The following BLK variants were observed in gnomAD, a reference collection of about 807,000 sequenced individuals.
BLK encodes tyrosine-protein kinase Blk.
A neutral mutation model predicts 61.8 loss-of-function variants in BLK; 64 were observed. That is an observed-to-expected ratio of 1.03 (90% CI 0.85 to 1.27). BLK has a LOEUF of 1.27. BLK is among the 50% of genes most tolerant of loss of function. The pLI is 0.00. For missense variants in BLK, 853 were observed against 660.5 expected, an observed-to-expected ratio of 1.29 and a Z score of -3.19; for synonymous variants, 351 against 272.0, an observed-to-expected ratio of 1.29 and a Z score of -2.86.
intron 1 of BLK, among the ~76,000 whole-genome samples, chr8:11,531,529 T>C (rs750991451): frequency 4.6e-5 from 7 of 152,236 alleles, no homozygotes; most frequent in South Asian, 2.1e-4. Context: ...TTATTTATCA[T>C]TGGTTTTCAA....
At chr8:11,528,658 T>C (rs1799769792) in intron 1 of BLK, among the ~76,000 whole-genome samples, 1 of 152,256 alleles carries the variant, frequency 6.6e-6, no homozygotes, top group Non-Finnish European at 1.5e-5. Flanking sequence ...GTCTTGCAGT[T>C]GCCTGTATGT....
chr8:11,560,504 G>A (rs1801460521), intron 10 of BLK: 2 of 262,330 alleles, frequency 7.6e-6, no homozygotes, highest in Non-Finnish European at 1.5e-5. Context: ...GAAGTCGCAT[G>A]TCTGAAGAGG....
At chr8:11,557,523 G>C (rs920659220) in intron 9 of BLK, among the ~76,000 whole-genome samples, 9 of 152,190 alleles carry the variant, frequency 5.9e-5, no homozygotes, top group African/African-American at 2.2e-4. Flanking sequence ...CCAAACCTGG[G>C]GGACAGTTCT....
intron 1 of BLK, among the ~76,000 whole-genome samples, chr8:11,519,626 C>G (rs563383398): frequency 5.3e-5 from 8 of 152,124 alleles, no homozygotes; most frequent in East Asian, 1.9e-4. Flanking sequence ...GTCACCACAT[C>G]GAGAACTTTA....
At chr8:11,526,353 C>T (rs1258430870) in intron 1 of BLK, among the ~76,000 whole-genome samples, 1 of 152,216 alleles carries the variant, frequency 6.6e-6, no homozygotes, top group African/African-American at 2.4e-5. Flanking sequence ...AACACCTGCT[C>T]ACAAACACTG....
intron 1 of BLK, among the ~76,000 whole-genome samples, chr8:11,529,974 G>A (rs1799821624): frequency 6.6e-6 from 1 of 152,182 alleles, no homozygotes; most frequent in Non-Finnish European, 1.5e-5. Flanking sequence ...AATGGATGAG[G>A]CTGGAATCTA....
At chr8:11,557,885 C>T in intron 9 of BLK, 77 bp from the exon 10 acceptor site, 2 of 1,376,880 alleles carry the variant, frequency 1.5e-6, no homozygotes, top group South Asian at 2.3e-5. Context: ...TGGGGAGCCA[C>T]TCACACCAGA....
intron 1 of BLK, among the ~76,000 whole-genome samples, chr8:11,505,705 G>A (rs1463211004): frequency 1.3e-5 from 2 of 152,156 alleles, no homozygotes; most frequent in Non-Finnish European, 2.9e-5. Context: ...ACCGCACAGG[G>A]TAAAGCCACC....
chr8:11,510,520 T>C (rs1431608207), intron 1 of BLK, among the ~76,000 whole-genome samples: 1 of 152,168 alleles, frequency 6.6e-6, no homozygotes, highest in Non-Finnish European at 1.5e-5. Flanking sequence ...GGCATGTTTG[T>C]GATAAGTGTA....
chr8:11,562,384 G>A (rs905403757), intron 11 of BLK, among the ~76,000 whole-genome samples: 5 of 152,126 alleles, frequency 3.3e-5, no homozygotes, highest in African/African-American at 7.2e-5. Flanking sequence ...TTGTTCTCTC[G>A]GGAACTTCAG....
chr8:11,562,202 C>T (rs114557997), intron 11 of BLK, among the ~76,000 whole-genome samples: 173 of 152,292 alleles, frequency 1.1e-3, no homozygotes, highest in African/African-American at 4.1e-3. Context: ...CATGTGCGAT[C>T]AGCAAACCAA....
intron 5 of BLK, 52 bp downstream of exon 5, chr8:11,549,174 CT>C: frequency 4.7e-6 from 7 of 1,501,150 alleles, no homozygotes; most frequent in Non-Finnish European, 6.4e-6. Flanking sequence ...ACTGTTTCTG[CT>C]CCCTGGGCTG....
At chr8:11,520,163 G>C (rs1039178156) in intron 1 of BLK, among the ~76,000 whole-genome samples, 9 of 152,088 alleles carry the variant, frequency 5.9e-5, no homozygotes, top group Admixed American at 3.9e-4. Flanking sequence ...TCATTCCACT[G>C]TGAAAAGACA....
chr8:11,542,745 A>G (rs1445386380), intron 1 of BLK, among the ~76,000 whole-genome samples: 1 of 152,194 alleles, frequency 6.6e-6, no homozygotes, highest in Non-Finnish European at 1.5e-5. Flanking sequence ...CAAAAATCTG[A>G]GAGGGAGAGA....
At chr8:11,545,034 T>C (rs1471084520) in intron 2 of BLK, among the ~76,000 whole-genome samples, 1 of 152,208 alleles carries the variant, frequency 6.6e-6, no homozygotes, top group Non-Finnish European at 1.5e-5. Flanking sequence ...ACATATGTAT[T>C]ACCCCTAAAC....
intron 1 of BLK, among the ~76,000 whole-genome samples, chr8:11,495,850 G>T (rs1798343030): frequency 6.6e-6 from 1 of 152,134 alleles, no homozygotes; most frequent in African/African-American, 2.4e-5. Context: ...AATGTACCAT[G>T]GTTACGTAAG....
rs370689404 is a variant in BLK at position 11,547,290 on chromosome 8, C to T, written c.176-742C>T. On this transcript the variant is annotated intron_variant, in intron 3 of 12. Coordinates refer to ENST00000259089, the MANE Select transcript of BLK (RefSeq NM_001715.3). The stretch of plus-strand genomic sequence containing the variant: ...TCCTGCTGAGAAGAGGTGACCAGCC[C>T]GAGGTCACAACACTCAGCTCAGTGA... Among the ~76,000 whole-genome samples the T allele has an allele frequency of 5.6e-4, 86 of 152,336 alleles. 1 individual carries two copies. The highest frequency in any genetic ancestry group is 1.9e-3 in the African/African-American group (78 of 41,578).
In BLK at chr8:11,545,650, A is replaced by C; in HGVS notation, c.124-402A>C. 1.3e-5 allele frequency: 4 copies of C among 301,602 alleles called. No homozygotes were observed. The South Asian group carries it at 1.4e-4, about 11-fold the overall frequency. 18.7% of individuals were successfully genotyped at this position (301,602 alleles called of 1,614,324 possible). A position where few individuals can be genotyped will look rare whatever the true frequency, so the allele number is the denominator to read the frequency against. ...ATACACAGAAGTTTCTCTACAGGAT[A>C]TATACCTACAAATATGTTTGTCGAG... On this transcript the variant is annotated intron_variant, in intron 2 of 12. Coordinates refer to ENST00000259089, the MANE Select transcript of BLK (RefSeq NM_001715.3).
chr8:11,506,851 G>T (rs567185491), intron 1 of BLK, among the ~76,000 whole-genome samples: 5 of 152,184 alleles, frequency 3.3e-5, no homozygotes, highest in African/African-American at 4.8e-5. Flanking sequence ...TCTCAGGGAG[G>T]CCACTTGAGA....
Sources: allele counts gnomAD v4.1 joint callset (sites outside exome capture counted in the v4.1 genomes callset), GRCh38; gene constraint gnomAD v4.1.1; transcripts MANE v1.5; gene names NCBI Gene and HGNC (gene_info 2026-07-23, HGNC 2026-07-21).